CCDC141: variants seen among roughly 807,000 people sequenced by gnomAD.
CCDC141 encodes the protein coiled-coil domain-containing protein 141.
In CCDC141, 168 loss-of-function variants were observed where a neutral mutation model predicts 181.0. The observed-to-expected ratio is 0.93, with a 90% CI of 0.82 to 1.05. The LOEUF is 1.05. Ranked by LOEUF, CCDC141 falls within the 50% of genes least tolerant of loss-of-function variation. CCDC141 has a pLI of 0.00. For synonymous variants in CCDC141, 666 were observed against 642.3 expected, an observed-to-expected ratio of 1.04 and a Z score of -0.56; for missense variants, 1,902 against 1,788.5, an observed-to-expected ratio of 1.06 and a Z score of -1.14.
rs537932472 is a variant in CCDC141 at position 178,923,144 on chromosome 2, G to C, written c.898-4237C>G. On this transcript the variant is annotated intron_variant, in intron 6 of 23. Coordinates refer to ENST00000443758, the MANE Select transcript of CCDC141 (RefSeq NM_173648.4). ...TTTTGAGACGGAGTCTCGCTCTGTC[G>C]CCCAGGCTGGAGTGCAGTGGCGGGA... Among the ~76,000 whole-genome samples, 40 of 137,122 alleles carry C rather than the reference G, an allele frequency of 2.9e-4. No individual in the cohort carries two copies. In the South Asian group the frequency reaches 9.0e-3, roughly 31 times the overall value. 90.0% of individuals were successfully genotyped at this position (137,122 alleles called of 152,430 possible). A position where few individuals can be genotyped will look rare whatever the true frequency, so the allele number is the denominator to read the frequency against.
intron 2 of CCDC141, among the ~76,000 whole-genome samples, chr2:179,017,474 C>G: frequency 6.6e-6 from 1 of 151,938 alleles, no homozygotes; most frequent in East Asian, 1.9e-4. Context: ...ATTTCTGTGC[C>G]CTTCCTTAAA....
At chr2:178,850,851 T>C (rs1685133481) in intron 20 of CCDC141, among the ~76,000 whole-genome samples, 1 of 152,228 alleles carries the variant, frequency 6.6e-6, no homozygotes, top group African/African-American at 2.4e-5. Flanking sequence ...CATTGCTCAA[T>C]GTAATCCTTG....
At chr2:178,922,756 T>C (rs1688749378) in intron 6 of CCDC141, among the ~76,000 whole-genome samples, 1 of 152,244 alleles carries the variant, frequency 6.6e-6, no homozygotes, top group Non-Finnish European at 1.5e-5. Context: ...AGAAAGACCT[T>C]TGGAGTAGAG....
At chr2:178,989,593 C>CAAAA (rs1204459331) in intron 2 of CCDC141, among the ~76,000 whole-genome samples, 39 of 76,612 alleles carry the variant, frequency 5.1e-4, no homozygotes, top group African/African-American at 1.9e-3. Context: ...GACCCTGCCT[C>CAAAA]AAAAAAAAAA....
chr2:178,853,652 T>C, intron 19 of CCDC141, 28 bp from the exon 20 acceptor site: 1 of 1,575,446 alleles, frequency 6.3e-7, no homozygotes, highest in South Asian at 1.1e-5. Context: ...AAAGCACAGA[T>C]GAAAGAAATA....
chr2:179,015,284 C>CATATA (rs2042442579), intron 2 of CCDC141, among the ~76,000 whole-genome samples: 1 of 111,784 alleles, frequency 8.9e-6, no homozygotes, highest in Non-Finnish European at 1.9e-5. Context: ...TCATCTATCT[C>CATATA]TCATATATCT....
At chr2:178,892,997 T>C (rs1023761382) in intron 8 of CCDC141, among the ~76,000 whole-genome samples, 1 of 152,184 alleles carries the variant, frequency 6.6e-6, no homozygotes, top group Non-Finnish European at 1.5e-5. Context: ...ACTGGAAATA[T>C]TGATTGACCT....
intron 2 of CCDC141, among the ~76,000 whole-genome samples, chr2:179,036,744 C>T (rs1189369784): frequency 6.6e-6 from 1 of 152,212 alleles, no homozygotes; most frequent in Non-Finnish European, 1.5e-5. Flanking sequence ...GTTCCAGTCA[C>T]CTTCTTCAAA....
intron 6 of CCDC141, chr2:178,926,734 C>G (rs1477657615): frequency 6.6e-6 from 1 of 152,176 alleles, no homozygotes; most frequent in African/African-American, 2.4e-5. Flanking sequence ...TGTTCTATAA[C>G]ACTGTAGGAT....
chr2:179,042,397 G>C (rs553034480), intron 2 of CCDC141, among the ~76,000 whole-genome samples: 2 of 152,152 alleles, frequency 1.3e-5, no homozygotes, highest in Non-Finnish European at 2.9e-5. Flanking sequence ...GCCCAGGCTG[G>C]AGTGCAATGG....
At chr2:179,045,673 G>C (rs2154390428) in intron 2 of CCDC141, among the ~76,000 whole-genome samples, 1 of 151,978 alleles carries the variant, frequency 6.6e-6, no homozygotes, top group East Asian at 2.0e-4. Context: ...TCCAGCACCT[G>C]TTGTTTCCTG....
At chr2:178,919,323 T>A (rs1390955854) in intron 6 of CCDC141, among the ~76,000 whole-genome samples, 3 of 152,236 alleles carry the variant, frequency 2.0e-5, no homozygotes, top group African/African-American at 7.2e-5. Flanking sequence ...ATATGCTGAG[T>A]ATATCAAAAA....
At chr2:178,901,689 AC>A (rs549126096) in intron 8 of CCDC141, among the ~76,000 whole-genome samples, 121 of 151,550 alleles carry the variant, frequency 8.0e-4, no homozygotes, top group Non-Finnish European at 1.1e-3. Context: ...CCCTTTGAAA[AC>A]TGGCACAAGA....
rs1684310528 is a variant in CCDC141 at position 178,832,774 on chromosome 2, A to C, written c.*1399T>G. ...ATAATTAATTTCTTCCCTTCATCAA[A>C]AATCTGTAATGAATTATTCTTTCAA... On this transcript the variant is annotated 3_prime_UTR_variant, in exon 24 of 24. Transcript: ENST00000443758. 6.6e-6 allele frequency: 1 copy of C among 152,122 alleles called. No individual in the cohort carries two copies. Among genetic ancestry groups the C allele is most frequent in the African/African-American group, 2.4e-5 (1 of 41,440 alleles). The allele number at this position is 152,122 out of a possible 1,614,324, so 9.4% of individuals were successfully genotyped here. A position where few individuals can be genotyped will look rare whatever the true frequency, so the allele number is the denominator to read the frequency against.
intron 2 of CCDC141, among the ~76,000 whole-genome samples, chr2:179,024,665 C>T (rs1381361505): frequency 6.6e-6 from 1 of 152,194 alleles, no homozygotes; most frequent in East Asian, 1.9e-4. Flanking sequence ...ATTGTCAGAG[C>T]TCACGTCAGC....
In CCDC141 at chr2:178,878,103, G is replaced by A; in HGVS notation, c.1760C>T (p.Thr587Ile). Residue 587 changes from threonine to isoleucine, a missense_variant, in exon 12 of 24, where the codon ACC becomes ATC. By Grantham distance (89) the Thr-to-Ile change is moderately conservative (BLOSUM62 -1). Coordinates refer to ENST00000443758, the MANE Select transcript of CCDC141 (RefSeq NM_173648.4). ...ATCCTGCTCCTTCTGAGGGATTTCG[G>A]TTTCATAAAATTCTTTTAAGCTCTG... ...QFQSLKEFYE[T>I]EIPQKEQDDA... The A allele has an allele frequency of 1.0e-5, 16 of 1,607,298 alleles. No individual in the cohort carries two copies. Among genetic ancestry groups the A allele is most frequent in the Non-Finnish European group, 1.4e-5 (16 of 1,178,460 alleles).
chr2:178,965,912 C>T (rs1690608348), intron 4 of CCDC141, among the ~76,000 whole-genome samples: 1 of 152,120 alleles, frequency 6.6e-6, no homozygotes. Context: ...TGAGATCGAC[C>T]CGGTACGTTC....
chr2:178,817,554 T>C, the CCDC141 span: 1 of 471,048 alleles, frequency 2.1e-6, no homozygotes, highest in South Asian at 1.5e-5. Flanking sequence ...CACTTAGAAG[T>C]CATCTTTGAA....
At chr2:179,042,070 G>A (rs1297086084) in intron 2 of CCDC141, among the ~76,000 whole-genome samples, 4 of 152,134 alleles carry the variant, frequency 2.6e-5, no homozygotes, top group African/African-American at 7.2e-5. Context: ...AAGTGGATCT[G>A]ATAGTCATAT....
Sources: gnomAD v4.1 joint callset for allele counts (sites outside exome capture counted in the v4.1 genomes callset) on GRCh38, gnomAD v4.1.1 for gene constraint, MANE v1.5 for transcripts, NCBI Gene and HGNC (gene_info 2026-07-23, HGNC 2026-07-21) for gene names.